LRRC4C: variants seen among roughly 807,000 people sequenced by gnomAD.
LRRC4C encodes leucine-rich repeat-containing protein 4C.
LRRC4C carries 5 observed loss-of-function variants against 33.6 expected under a neutral mutation model. That is an observed-to-expected ratio of 0.15 (90% CI 0.08 to 0.31). The LOEUF is 0.31. LRRC4C is among the 10% of genes least tolerant of loss of function. LRRC4C has a pLI of 1.00. For synonymous variants in LRRC4C, 329 were observed against 302.0 expected, an observed-to-expected ratio of 1.09 and a Z score of -0.93; for missense variants, 560 against 796.7, an observed-to-expected ratio of 0.70 and a Z score of 3.58.
intron 1 of LRRC4C, among the ~76,000 whole-genome samples, chr11:41,048,977 C>T (rs558007933): frequency 1.3e-5 from 2 of 152,132 alleles, no homozygotes; most frequent in African/African-American, 4.8e-5. Context: ...CAGATTGATT[C>T]GTAATGAGTT....
intron 3 of LRRC4C, among the ~76,000 whole-genome samples, chr11:40,544,307 G>C (rs560946251): frequency 6.6e-6 from 1 of 152,078 alleles, no homozygotes; most frequent in South Asian, 2.1e-4. Context: ...GTTACATGAG[G>C]CTAAGGCATT....
chr11:40,401,738 T>C (rs577407794), intron 3 of LRRC4C, among the ~76,000 whole-genome samples: 5 of 152,216 alleles, frequency 3.3e-5, no homozygotes, highest in Admixed American at 3.3e-4. Flanking sequence ...GGAAAAATAA[T>C]AAAGTGAAAA....
At chr11:40,877,015 T>C (rs1250407648) in intron 2 of LRRC4C, among the ~76,000 whole-genome samples, 1 of 151,834 alleles carries the variant, frequency 6.6e-6, no homozygotes, top group Non-Finnish European at 1.5e-5. Flanking sequence ...GAAGATGATG[T>C]GTATGCTCTG....
intron 1 of LRRC4C, among the ~76,000 whole-genome samples, chr11:41,005,242 G>C (rs1348433327): frequency 6.6e-6 from 1 of 152,158 alleles, no homozygotes; most frequent in African/African-American, 2.4e-5. Context: ...TTGAAGCATG[G>C]GGGCAGATGC....
intron 3 of LRRC4C, among the ~76,000 whole-genome samples, chr11:40,491,543 G>C (rs1954156459): frequency 6.6e-6 from 1 of 152,042 alleles, no homozygotes; most frequent in African/African-American, 2.4e-5. Flanking sequence ...AGTTTCTTGT[G>C]GTTGTAGGAA....
chr11:41,065,375 T>G (rs1255609922), intron 1 of LRRC4C, among the ~76,000 whole-genome samples: 1 of 152,166 alleles, frequency 6.6e-6, no homozygotes, highest in African/African-American at 2.4e-5. Flanking sequence ...GAGGCATCTC[T>G]GCAGGAAATC....
chr11:40,740,774 C>T (rs574330069), intron 2 of LRRC4C, among the ~76,000 whole-genome samples: 1 of 152,018 alleles, frequency 6.6e-6, no homozygotes, highest in Non-Finnish European at 1.5e-5. Context: ...CAAGTCACAG[C>T]TTAAGCTTCT....
intron 1 of LRRC4C, among the ~76,000 whole-genome samples, chr11:41,393,061 T>C (rs933538365): frequency 3.6e-4 from 54 of 151,980 alleles, no homozygotes; most frequent in African/African-American, 9.2e-4. Context: ...AGGGGAGATA[T>C]AATGATTGTA....
intron 3 of LRRC4C, among the ~76,000 whole-genome samples, chr11:40,492,640 T>C (rs1223739416): frequency 2.0e-5 from 3 of 152,124 alleles, no homozygotes; most frequent in Non-Finnish European, 4.4e-5. Context: ...ATCTTTTCTT[T>C]TAAAAATCTT....
At chr11:40,691,609 A>G (rs1051516621) in intron 2 of LRRC4C, among the ~76,000 whole-genome samples, 8 of 152,136 alleles carry the variant, frequency 5.3e-5, no homozygotes, top group Non-Finnish European at 1.0e-4. Context: ...TCACTTCTCC[A>G]CAATGGTGAG....
At chr11:41,437,425 GCACACACACA>G (rs58445388) in intron 1 of LRRC4C, among the ~76,000 whole-genome samples, 20 of 149,160 alleles carry the variant, frequency 1.3e-4, no homozygotes, top group African/African-American at 5.0e-4. Context: ...GCGCGCGCGC[GCACACACACA>G]CACACACACA....
intron 1 of LRRC4C, among the ~76,000 whole-genome samples, chr11:40,938,912 A>T (rs1174074790): frequency 6.6e-6 from 1 of 152,234 alleles, no homozygotes; most frequent in Non-Finnish European, 1.5e-5. Context: ...CATTCCAGAG[A>T]TCTACTGAAG....
chr11:40,546,681 C>T (rs927189614), intron 3 of LRRC4C, among the ~76,000 whole-genome samples: 1 of 152,054 alleles, frequency 6.6e-6, no homozygotes, highest in Non-Finnish European at 1.5e-5. Flanking sequence ...TAGTGATGGG[C>T]TAAGGAAGTG....
intron 1 of LRRC4C, among the ~76,000 whole-genome samples, chr11:41,271,363 C>T (rs1465377206): frequency 6.6e-6 from 1 of 152,122 alleles, no homozygotes; most frequent in Non-Finnish European, 1.5e-5. Flanking sequence ...CTAACCTCGA[C>T]ATTTTCCTCC....
chr11:41,079,481 A>G (rs1252324297), intron 1 of LRRC4C, among the ~76,000 whole-genome samples: 2 of 152,222 alleles, frequency 1.3e-5, no homozygotes, highest in African/African-American at 4.8e-5. Context: ...CTTTAGGACT[A>G]TCTGCTATAC....
At chr11:41,182,722 T>G (rs1255702122) in intron 1 of LRRC4C, among the ~76,000 whole-genome samples, 1 of 152,162 alleles carries the variant, frequency 6.6e-6, no homozygotes, top group African/African-American at 2.4e-5. Flanking sequence ...CTGATAGAAC[T>G]GTTCAATTAT....
chr11:41,159,115 A>G (rs542383993), intron 1 of LRRC4C, among the ~76,000 whole-genome samples: 1 of 152,026 alleles, frequency 6.6e-6, no homozygotes, highest in East Asian at 1.9e-4. Flanking sequence ...GGAGACCTGC[A>G]TTTCTACAAA....
At chr11:40,132,393 T>C (rs904690404) in intron 6 of LRRC4C, among the ~76,000 whole-genome samples, 2 of 152,208 alleles carry the variant, frequency 1.3e-5, no homozygotes, top group African/African-American at 4.8e-5. Context: ...ACCAGTACAC[T>C]GGTGACATTT....
At position 40,375,343 on chromosome 11, in the gene LRRC4C, AG is replaced by A. The variant is rs1221365439; in HGVS notation, c.-269-55623del. On this transcript the variant is annotated intron_variant, in intron 3 of 6. Transcript: ENST00000528697. Reference sequence around the variant, plus strand: ...CTTTGGTATTTTTGAGACCTAACCAAGATGGAAAATGAATCTTCTCTTTAAC... The same window carrying A: ...CTTTGGTATTTTTGAGACCTAACCAAATGGAAAATGAATCTTCTCTTTAAC... Among the ~76,000 whole-genome samples the A allele has an allele frequency of 2.6e-5, 4 of 152,224 alleles. No individual in the cohort carries two copies. In the East Asian group the frequency reaches 7.7e-4, roughly 29 times the overall value.
Sources: allele counts gnomAD v4.1 joint callset (sites outside exome capture counted in the v4.1 genomes callset), GRCh38; gene constraint gnomAD v4.1.1; transcripts MANE v1.5; gene names NCBI Gene and HGNC (gene_info 2026-07-23, HGNC 2026-07-21).